The following ERBB4 variants were observed in gnomAD, a reference collection of about 807,000 sequenced individuals.
ERBB4 encodes erb-b2 receptor tyrosine kinase 4, also known as receptor tyrosine-protein kinase erbB-4.
ERBB4 carries 42 observed loss-of-function variants against 158.0 expected under a neutral mutation model. That is an observed-to-expected ratio of 0.27 (90% CI 0.21 to 0.34). The LOEUF is 0.34. ERBB4 is among the 10% of genes least tolerant of loss of function. The pLI is 1.00. For synonymous variants in ERBB4, 583 were observed against 558.7 expected (o/e 1.04, Z -0.61); for missense variants, 1,333 against 1,624.1 (o/e 0.82, Z 3.08).
rs527732427 is a variant in ERBB4 at position 212,480,889 on chromosome 2, G to T, written c.82+57560C>A. ...GTGCTATTTGCTGGAAGGAATATAT[G>T]TTTGTAGACAAGTTTCCTGAATTAG... is the stretch of plus-strand genomic sequence containing the variant. On this transcript the variant is annotated intron_variant, in intron 1 of 27. Transcript: ENST00000342788. Among the ~76,000 whole-genome samples, 11 of 152,318 alleles carry T rather than the reference G, an allele frequency of 7.2e-5. No homozygotes were observed. In the South Asian group the frequency reaches 2.3e-3, roughly 32 times the overall value.
At chr2:211,964,087 A>AATATTT (rs2081252336) in intron 2 of ERBB4, among the ~76,000 whole-genome samples, 1 of 152,164 alleles carries the variant, frequency 6.6e-6, no homozygotes, top group African/African-American at 2.4e-5. Flanking sequence ...TCCTGAGTCA[A>AATATTT]CTTCATCACC....
chr2:212,316,872 C>A (rs912087043), intron 1 of ERBB4, among the ~76,000 whole-genome samples: 7 of 151,520 alleles, frequency 4.6e-5, no homozygotes, highest in African/African-American at 1.7e-4. Context: ...GTTTTAAAAA[C>A]TACTTGCTTA....
At chr2:212,407,824 A>G (rs1026918600) in intron 1 of ERBB4, among the ~76,000 whole-genome samples, 6 of 152,008 alleles carry the variant, frequency 3.9e-5, no homozygotes, top group African/African-American at 1.4e-4. Flanking sequence ...ATAAAACATA[A>G]TATCAATGCA....
chr2:212,134,911 C>T (rs940631856), intron 1 of ERBB4, among the ~76,000 whole-genome samples: 2 of 152,062 alleles, frequency 1.3e-5, no homozygotes, highest in Admixed American at 1.3e-4. Context: ...TGGTCTCGAT[C>T]TCCTGACCTC....
chr2:211,868,137 A>G (rs1022052791), intron 3 of ERBB4, among the ~76,000 whole-genome samples: 2 of 152,188 alleles, frequency 1.3e-5, no homozygotes, highest in Admixed American at 6.5e-5. Flanking sequence ...GATTTCTTAG[A>G]TAGGAAAAAA....
intron 1 of ERBB4, among the ~76,000 whole-genome samples, chr2:212,207,925 A>C (rs1000128137): frequency 6.6e-6 from 1 of 151,070 alleles, no homozygotes; most frequent in Non-Finnish European, 1.5e-5. Context: ...CAATTTTTTA[A>C]TTTGTATTAA....
In ERBB4 at chr2:211,384,818, T is replaced by C. The variant is rs184788377; in HGVS notation, c.3482-758A>G. On this transcript the variant is annotated intron_variant, in intron 27 of 27. Transcript: ENST00000342788. ...TATATAAAATAAAATAAATTTTGTA[T>C]ATTGAAACCAGTCAATTAGTGCCTA... is the stretch of plus-strand genomic sequence containing the variant. Among the ~76,000 whole-genome samples, 161 of 152,278 alleles carry C rather than the reference T, an allele frequency of 1.1e-3. 1 individual carries two copies. The highest frequency in any genetic ancestry group is 3.5e-3 in the African/African-American group (146 of 41,564).
intron 25 of ERBB4, among the ~76,000 whole-genome samples, chr2:211,418,600 T>G (rs1417430690): frequency 1.3e-5 from 2 of 152,074 alleles, no homozygotes; most frequent in Non-Finnish European, 2.9e-5. Flanking sequence ...AATTATAAAT[T>G]AAAATGAACA....
chr2:211,389,256 C>T (rs186519884), intron 25 of ERBB4, among the ~76,000 whole-genome samples: 17 of 152,274 alleles, frequency 1.1e-4, no homozygotes, highest in Non-Finnish European at 2.2e-4. Context: ...AGGATAGTCT[C>T]AATCTCCTGA....
intron 2 of ERBB4, among the ~76,000 whole-genome samples, chr2:212,026,442 A>G (rs1315937019): frequency 6.6e-6 from 1 of 151,860 alleles, no homozygotes; most frequent in Non-Finnish European, 1.5e-5. Context: ...TGTGAAAAGA[A>G]TACTGAATAA....
intron 20 of ERBB4, among the ~76,000 whole-genome samples, chr2:211,521,546 A>G (rs900593727): frequency 6.6e-6 from 1 of 152,198 alleles, no homozygotes; most frequent in Non-Finnish European, 1.5e-5. Flanking sequence ...CAAGTTATCC[A>G]GAAGATCTAG....
intron 5 of ERBB4, among the ~76,000 whole-genome samples, chr2:211,738,369 T>TG (rs1323519129): frequency 5.9e-4 from 87 of 147,740 alleles, no homozygotes; most frequent in Middle Eastern, 3.5e-3. Flanking sequence ...TTGTTTTTTT[T>TG]TTTTTTTTTT....
chr2:211,821,055 T>C (rs11901045), intron 3 of ERBB4, among the ~76,000 whole-genome samples: 36,043 of 151,662 alleles, frequency 0.24, 4,471 homozygotes, highest in South Asian at 0.33. Flanking sequence ...CAGAGTAATT[T>C]AGCAAGAGAC....
chr2:211,967,205 G>A (rs1325762014), intron 2 of ERBB4, among the ~76,000 whole-genome samples: 1 of 151,882 alleles, frequency 6.6e-6, no homozygotes, highest in East Asian at 1.9e-4. Flanking sequence ...TCCTCATTCA[G>A]TAAGTATTTA....
At chr2:212,006,323 T>C (rs1198217428) in intron 2 of ERBB4, among the ~76,000 whole-genome samples, 1 of 152,120 alleles carries the variant, frequency 6.6e-6, no homozygotes, top group African/African-American at 2.4e-5. Context: ...TTTCATTATA[T>C]ATGAAAGGTT....
intron 1 of ERBB4, among the ~76,000 whole-genome samples, chr2:212,174,119 C>T (rs574682848): frequency 4.0e-5 from 6 of 151,870 alleles, no homozygotes; most frequent in East Asian, 3.9e-4. Flanking sequence ...TAGAGGGAGA[C>T]GTATGTCAAG....
intron 2 of ERBB4, among the ~76,000 whole-genome samples, chr2:212,065,924 G>A (rs1196948860): frequency 7.2e-5 from 11 of 151,930 alleles, no homozygotes; most frequent in Admixed American, 1.3e-4. Flanking sequence ...GTTCTGAACC[G>A]GAATTATTTA....
At chr2:211,806,976 T>A (rs1206016641) in intron 3 of ERBB4, among the ~76,000 whole-genome samples, 3 of 152,126 alleles carry the variant, frequency 2.0e-5, no homozygotes, top group Admixed American at 6.5e-5. Flanking sequence ...AAAGACAGTA[T>A]CTTTTACACA....
In ERBB4 at chr2:211,594,162, C is replaced by T. The variant is rs1200735701; in HGVS notation, c.2301+25015G>A. ...ACAACTTAAAAATAAACTAGCTGGG[C>T]GTGGTGGCTCACACCTATAATCCCA... On this transcript the variant is annotated intron_variant, in intron 19 of 27. Coordinates refer to ENST00000342788, the MANE Select transcript of ERBB4 (RefSeq NM_005235.3). 2.0e-5 allele frequency among the ~76,000 whole-genome samples: 3 copies of T among 152,068 alleles called. No homozygotes were observed. The East Asian group carries it at 5.8e-4, about 29-fold the overall frequency.
Sources: allele counts gnomAD v4.1 joint callset (sites outside exome capture counted in the v4.1 genomes callset), GRCh38; gene constraint gnomAD v4.1.1; transcripts MANE v1.5; gene names NCBI Gene and HGNC (gene_info 2026-07-23, HGNC 2026-07-21).